DROSHA: variants seen among roughly 807,000 people sequenced by gnomAD.
The protein encoded by DROSHA is ribonuclease 3.
DROSHA carries 56 observed loss-of-function variants against 181.9 expected under a neutral mutation model. That is an observed-to-expected ratio of 0.31 (90% CI 0.25 to 0.38). DROSHA has a LOEUF of 0.38. DROSHA is among the 10% of genes least tolerant of loss of function. DROSHA has a pLI of 1.00. For synonymous variants in DROSHA, 524 were observed against 591.2 expected (o/e 0.89, Z 1.65); for missense variants, 1,218 against 1,743.5 (o/e 0.70, Z 5.37).
At chr5:31,507,035 C>T (rs1738054825) in intron 10 of DROSHA, among the ~76,000 whole-genome samples, 1 of 152,168 alleles carries the variant, frequency 6.6e-6, no homozygotes, top group African/African-American at 2.4e-5. Context: ...GACTAGAGGG[C>T]CAGGCGCAGT....
intron 29 of DROSHA, 26 bp from the exon 30 acceptor site, chr5:31,421,403 G>A (rs1163548908): frequency 1.3e-6 from 2 of 1,557,742 alleles, no homozygotes; most frequent in Non-Finnish European, 1.8e-6. Context: ...TCAAAGTAAA[G>A]AAATCAATAA....
In DROSHA at chr5:31,431,766, C is replaced by A. The variant is rs146307041; in HGVS notation, c.3043-88G>T. ...CAGCATCTCTTGCAGAGAGTTGGTG[C>A]GGAGACGAGATGGGGGCAGCGTAAT... On this transcript the variant is annotated intron_variant, in intron 25 of 35. Coordinates refer to ENST00000344624, the MANE Select transcript of DROSHA (RefSeq NM_001382508.1). 2.4e-4 allele frequency: 303 copies of A among 1,237,468 alleles called. 5 individuals are homozygous for A. In the East Asian group the frequency reaches 5.9e-3, roughly 24 times the overall value. 76.7% of individuals were successfully genotyped at this position (1,237,468 alleles called of 1,614,324 possible). A position where few individuals can be genotyped will look rare whatever the true frequency, so the allele number is the denominator to read the frequency against.
intron 14 of DROSHA, among the ~76,000 whole-genome samples, chr5:31,485,403 C>A (rs1198629950): frequency 7.4e-6 from 1 of 134,392 alleles, no homozygotes; most frequent in African/African-American, 2.8e-5. Flanking sequence ...CCAAAAAGTT[C>A]AAAAAGTAAT....
intron 16 of DROSHA, among the ~76,000 whole-genome samples, chr5:31,483,210 T>A (rs1751242021): frequency 6.6e-6 from 1 of 152,188 alleles, no homozygotes; most frequent in South Asian, 2.1e-4. Flanking sequence ...TCAGCAGTTA[T>A]AATCATATTG....
chr5:31,401,385 G>A lies in DROSHA; in HGVS notation c.*47C>T. On this transcript the variant is annotated 3_prime_UTR_variant, in exon 36 of 36. Coordinates refer to ENST00000344624, the MANE Select transcript of DROSHA (RefSeq NM_001382508.1). ...CTAGGCTAGGTCTCAATAGACAACA[G>A]TCACAGTTACTGAGCAAGTAAATAC... 3 of 1,599,546 alleles carry A rather than the reference G, an allele frequency of 1.9e-6. No individual in the cohort carries two copies. Among genetic ancestry groups the A allele is most frequent in the Non-Finnish European group, 2.6e-6 (3 of 1,170,570 alleles).
chr5:31,529,216 A>G, intron 3 of DROSHA, 111 bp from the exon 4 acceptor site: 1 of 851,834 alleles, frequency 1.2e-6, no homozygotes, highest in South Asian at 1.8e-5. Flanking sequence ...CAATACACTT[A>G]GCCTACAAAC....
Position 31,515,471 on chromosome 5 carries a change from G to A in DROSHA, c.1041C>T (p.Pro347=), listed in dbSNP as rs1739173031. The A allele has an allele frequency of 7.1e-7, 1 of 1,401,122 alleles. No individual in the cohort carries two copies. The allele number at this position is 1,401,122 out of a possible 1,614,324, so 86.8% of individuals were successfully genotyped here. Reference sequence around the variant, plus strand: ...CTACTTACTGATTCACAATCTCCAGGGGTGGGGCCCAAGAATCTGTATTTT... The same window carrying A: ...CTACTTACTGATTCACAATCTCCAGAGGTGGGGCCCAAGAATCTGTATTTT... The part of the protein sequence containing the change: ...IIKNTDSWAP[P]LEIVNHRSPS... Residue 347 remains proline (P), a synonymous_variant, in exon 7 of 36, where the codon CCC becomes CCT. Transcript: ENST00000344624.
In DROSHA at chr5:31,401,339, C is replaced by T; in HGVS notation, c.*93G>A. 2.0e-6 allele frequency: 3 copies of T among 1,509,582 alleles called. No individual in the cohort carries two copies. Among genetic ancestry groups the T allele is most frequent in the South Asian group, 1.1e-5 (1 of 88,786 alleles). 93.5% of individuals were successfully genotyped at this position (1,509,582 alleles called of 1,614,324 possible). A position where few individuals can be genotyped will look rare whatever the true frequency, so the allele number is the denominator to read the frequency against. ...GTATTTTATTTCAATGAGCACACTT[C>T]ATTCATTGTCTGCAGGAAAACTAGG... On this transcript the variant is annotated 3_prime_UTR_variant, in exon 36 of 36. Transcript: ENST00000344624.
At chr5:31,431,366 C>CAAAAAAAAAAA (rs58316191) in intron 26 of DROSHA, among the ~76,000 whole-genome samples, 11 of 57,664 alleles carry the variant, frequency 1.9e-4, no homozygotes, top group Admixed American at 4.7e-4. Context: ...CAGTAGAATG[C>CAAAAAAAAAAA]AAAAAAAAAA....
intron 27 of DROSHA, among the ~76,000 whole-genome samples, chr5:31,426,642 A>G (rs1009887269): frequency 1.3e-5 from 2 of 152,170 alleles, no homozygotes; most frequent in Non-Finnish European, 2.9e-5. Flanking sequence ...ATAAGTCTTA[A>G]AGTACATAGG....
chr5:31,527,688 C>T (rs1238593367), intron 4 of DROSHA: 1 of 152,662 alleles, frequency 6.6e-6, no homozygotes, highest in African/African-American at 2.4e-5. Flanking sequence ...AAGGCAGCCA[C>T]CTGCAAGGCA....
chr5:31,426,199 C>T (rs1743449210), intron 27 of DROSHA, among the ~76,000 whole-genome samples: 2 of 151,870 alleles, frequency 1.3e-5, no homozygotes, highest in Non-Finnish European at 2.9e-5. Flanking sequence ...TCATCTACCC[C>T]ATAGACACCG....
At chr5:31,441,481 CTT>C (rs563537125) in intron 23 of DROSHA, among the ~76,000 whole-genome samples, 1,827 of 152,022 alleles carry the variant, frequency 0.012, 15 homozygotes, top group Middle Eastern at 0.027. Flanking sequence ...CTTTAAAGGA[CTT>C]TTTTTTGTCG....
At chr5:31,425,845 T>C (rs1321495620) in intron 27 of DROSHA, among the ~76,000 whole-genome samples, 1 of 152,144 alleles carries the variant, frequency 6.6e-6, no homozygotes. Context: ...TAAGCTTCCA[T>C]GTCCTCAAGC....
chr5:31,442,651 A>G (rs116200893), intron 23 of DROSHA, among the ~76,000 whole-genome samples: 1 of 152,274 alleles, frequency 6.6e-6, no homozygotes, highest in African/African-American at 2.4e-5. Context: ...CTCCAAGGAA[A>G]GCCATCTTGG....
intron 26 of DROSHA, among the ~76,000 whole-genome samples, 154 bp from the exon 27 acceptor site, chr5:31,429,699 C>A (rs967724502): frequency 1.3e-5 from 2 of 152,136 alleles, no homozygotes; most frequent in African/African-American, 4.8e-5. Context: ...GTGACATTTC[C>A]CCTTTTTGCT....
chr5:31,437,199 A>G (rs763072960), intron 24 of DROSHA, 40 bp downstream of exon 24: 143 of 1,538,490 alleles, frequency 9.3e-5, no homozygotes, highest in Non-Finnish European at 1.2e-4. Flanking sequence ...TATAAAATGT[A>G]ATTATTGAGG....
chr5:31,454,723 G>C (rs1440450148), intron 20 of DROSHA, among the ~76,000 whole-genome samples: 1 of 151,950 alleles, frequency 6.6e-6, no homozygotes. Flanking sequence ...GTTGGATCAC[G>C]AGGTCAGGAG....
chr5:31,488,896 T>C (rs956968979), intron 13 of DROSHA: 3 of 151,962 alleles, frequency 2.0e-5, no homozygotes, highest in African/African-American at 7.2e-5. Flanking sequence ...GGAGGAAGAG[T>C]GAAGAAAGAA....
Sources: allele counts gnomAD v4.1 joint callset (sites outside exome capture counted in the v4.1 genomes callset), GRCh38; gene constraint gnomAD v4.1.1; transcripts MANE v1.5; gene names NCBI Gene and HGNC (gene_info 2026-07-23, HGNC 2026-07-21).